MACROD2: variants seen among roughly 807,000 people sequenced by gnomAD.
MACROD2 encodes mono-ADP ribosylhydrolase 2.
In MACROD2, 36 loss-of-function variants were observed where a neutral mutation model predicts 70.4. That is an observed-to-expected ratio of 0.51 (90% CI 0.39 to 0.68). MACROD2 has a LOEUF of 0.68. MACROD2 is among the 30% of genes least tolerant of loss of function. The pLI is 0.00. For missense variants in MACROD2, 496 were observed against 538.4 expected, an observed-to-expected ratio of 0.92 and a Z score of 0.78; for synonymous variants, 172 against 178.8, an observed-to-expected ratio of 0.96 and a Z score of 0.30.
rs536123350 is a variant in MACROD2 at position 15,358,888 on chromosome 20, C to A, written c.541-72517C>A. On this transcript the variant is annotated intron_variant, in intron 6 of 17. Transcript: ENST00000684519. The stretch of plus-strand genomic sequence containing the variant: ...ATTTAATCTAACCCTAATTACCTCC[C>A]GAAGGCCCCACCTCCAGTACTCTCC... 4.1e-4 allele frequency among the ~76,000 whole-genome samples: 63 copies of A among 152,122 alleles called. 1 individual carries two copies. Among genetic ancestry groups the A allele is most frequent in the Non-Finnish European group, 2.4e-4 (16 of 68,000 alleles).
chr20:15,250,662 C>A (rs2146025491), intron 6 of MACROD2, among the ~76,000 whole-genome samples: 1 of 152,290 alleles, frequency 6.6e-6, no homozygotes, highest in Admixed American at 6.5e-5. Flanking sequence ...ATGCCATCCT[C>A]TGTGTTTAGG....
At chr20:15,800,459 TG>T (rs2147070754) in intron 8 of MACROD2, among the ~76,000 whole-genome samples, 1 of 152,372 alleles carries the variant, frequency 6.6e-6, no homozygotes, top group East Asian at 1.9e-4. Context: ...AGTTAATTTT[TG>T]TATAAGAGAT....
chr20:15,514,057 TAAAG>T (rs11469345), intron 8 of MACROD2, among the ~76,000 whole-genome samples: 50,251 of 151,896 alleles, frequency 0.33, 8,960 homozygotes, highest in East Asian at 0.46. Context: ...AATAAGGAGA[TAAAG>T]AAAGAAAATA....
intron 3 of MACROD2, among the ~76,000 whole-genome samples, chr20:14,227,640 G>A (rs1048776129): frequency 6.6e-6 from 1 of 152,220 alleles, no homozygotes; most frequent in Non-Finnish European, 1.5e-5. Flanking sequence ...GTAACACCGC[G>A]AGGGTCCGCG....
chr20:16,051,172 G>T lies in MACROD2; in HGVS notation c.*1296G>T, dbSNP rs1396534297. The T allele has an allele frequency of 6.6e-6, 1 of 152,224 alleles. No homozygotes were observed. Among genetic ancestry groups the T allele is most frequent in the Non-Finnish European group, 1.5e-5 (1 of 68,060 alleles). The allele number at this position is 152,224 out of a possible 1,614,324, so 9.4% of individuals were successfully genotyped here. ...CAAAGTCATGTCATTGTTTTCAGTGGAAACATATCGTTTGTTGCATATCTT... is the reference window on the plus strand; with the variant it reads ...CAAAGTCATGTCATTGTTTTCAGTGTAAACATATCGTTTGTTGCATATCTT... On this transcript the variant is annotated 3_prime_UTR_variant, in exon 18 of 18. Transcript: ENST00000684519.
intron 10 of MACROD2, among the ~76,000 whole-genome samples, chr20:15,912,302 C>T (rs2065249088): frequency 6.6e-6 from 1 of 152,198 alleles, no homozygotes; most frequent in African/African-American, 2.4e-5. Flanking sequence ...ATTTCCTTAT[C>T]TACTGCCCAT....
At chr20:15,368,198 T>G (rs934730794) in intron 6 of MACROD2, among the ~76,000 whole-genome samples, 1 of 152,162 alleles carries the variant, frequency 6.6e-6, no homozygotes, top group Non-Finnish European at 1.5e-5. Context: ...CCTTGGGAAC[T>G]TCTTAGGAAT....
At chr20:14,466,908 G>A (rs533162647) in intron 3 of MACROD2, among the ~76,000 whole-genome samples, 60 of 152,162 alleles carry the variant, frequency 3.9e-4, no homozygotes, top group East Asian at 2.5e-3. Context: ...TTGTCTCAGA[G>A]GAGTACCCGG....
chr20:15,181,617 C>T (rs6034123), intron 5 of MACROD2, among the ~76,000 whole-genome samples: 4,389 of 152,224 alleles, frequency 0.029, 119 homozygotes, highest in Middle Eastern at 0.071. Flanking sequence ...CTAAGACCGG[C>T]CCGTTAGAAC....
At chr20:15,132,381 T>C (rs969938057) in intron 5 of MACROD2, among the ~76,000 whole-genome samples, 3 of 151,962 alleles carry the variant, frequency 2.0e-5, no homozygotes, top group African/African-American at 7.2e-5. Context: ...TTAAAGCAAA[T>C]GTAGATGTAG....
At chr20:14,646,808 G>C (rs1985417011) in intron 4 of MACROD2, among the ~76,000 whole-genome samples, 1 of 152,038 alleles carries the variant, frequency 6.6e-6, no homozygotes, top group South Asian at 2.1e-4. Flanking sequence ...TTACCTTCCT[G>C]TGTTTGAAGG....
intron 4 of MACROD2, among the ~76,000 whole-genome samples, chr20:14,541,742 T>A (rs1449629658): frequency 6.6e-6 from 1 of 152,204 alleles, no homozygotes; most frequent in Non-Finnish European, 1.5e-5. Context: ...AAGAGACGTA[T>A]TACTGTTTAC....
At chr20:15,264,058 C>T (rs1488769203) in intron 6 of MACROD2, among the ~76,000 whole-genome samples, 1 of 152,130 alleles carries the variant, frequency 6.6e-6, no homozygotes, top group Non-Finnish European at 1.5e-5. Context: ...GCAATTGATA[C>T]TGCATCCAAA....
chr20:15,213,186 G>C (rs924102729), intron 5 of MACROD2, among the ~76,000 whole-genome samples: 1 of 152,136 alleles, frequency 6.6e-6, no homozygotes, highest in Non-Finnish European at 1.5e-5. Flanking sequence ...CTTAGTGACT[G>C]GTTGTTGGAA....
At chr20:14,966,670 G>A (rs569467320) in intron 5 of MACROD2, among the ~76,000 whole-genome samples, 13 of 152,130 alleles carry the variant, frequency 8.5e-5, no homozygotes, top group Non-Finnish European at 1.8e-4. Flanking sequence ...AGTTTTGCCT[G>A]TTCTTGAACT....
At chr20:15,713,569 T>C (rs2050659816) in intron 8 of MACROD2, among the ~76,000 whole-genome samples, 1 of 151,896 alleles carries the variant, frequency 6.6e-6, no homozygotes, top group Non-Finnish European at 1.5e-5. Flanking sequence ...GAGGAGGTGC[T>C]ACACACTTTC....
At chr20:14,725,185 G>A (rs2071514364) in intron 5 of MACROD2, among the ~76,000 whole-genome samples, 1 of 152,156 alleles carries the variant, frequency 6.6e-6, no homozygotes, top group African/African-American at 2.4e-5. Context: ...GGAGAAGCAG[G>A]TTTTGGAAGT....
chr20:15,701,636 T>C (rs1395918576), intron 8 of MACROD2, among the ~76,000 whole-genome samples: 2 of 152,208 alleles, frequency 1.3e-5, no homozygotes, highest in Admixed American at 6.5e-5. Context: ...GAATTGATGA[T>C]TGCCTCCAGA....
chr20:14,973,777 A>T (rs776964161), intron 5 of MACROD2, among the ~76,000 whole-genome samples: 1 of 152,176 alleles, frequency 6.6e-6, no homozygotes, highest in Non-Finnish European at 1.5e-5. Flanking sequence ...GTACTCTTGG[A>T]GTAACATATA....
Sources: gnomAD v4.1 joint callset for allele counts (sites outside exome capture counted in the v4.1 genomes callset) on GRCh38, gnomAD v4.1.1 for gene constraint, MANE v1.5 for transcripts, NCBI Gene and HGNC (gene_info 2026-07-23, HGNC 2026-07-21) for gene names.